RS1: variants seen among roughly 807,000 people sequenced by gnomAD.
RS1 encodes retinoschisin 1, also known as retinoschisin.
In RS1, 2 loss-of-function variants were observed where a neutral mutation model predicts 20.8. That is an observed-to-expected ratio of 0.10 (90% CI 0.04 to 0.30). The LOEUF is 0.30. Among genes scored for constraint, RS1 ranks in the 10% least tolerant of loss-of-function variants. The pLI, the probability that RS1 is intolerant of heterozygous loss-of-function variation, is 1.00. For synonymous variants in RS1, 70 were observed against 75.8 expected (o/e 0.92, Z 0.40); for missense variants, 151 against 189.8 (o/e 0.80, Z 1.20).
chrX:18,648,275 G>A (rs912108554), intron 3 of RS1, among the ~76,000 whole-genome samples: 6 of 108,791 alleles, frequency 5.5e-5, no homozygotes, highest in East Asian at 5.8e-4. Context: ...ACAGGGTCTC[G>A]CCCTGTCCTA....
At chrX:18,646,224 G>T (rs1392761917) in intron 4 of RS1, 2 of 1,003,522 alleles carry the variant, frequency 2.0e-6, no homozygotes, top group Non-Finnish European at 2.7e-6. Flanking sequence ...CACAATCTCG[G>T]CTCACTGCAA....
rs754233845 is a variant in RS1 at position 18,669,690 on chromosome X, G to C, written c.52+2327C>G. Among the ~76,000 whole-genome samples the C allele has an allele frequency of 2.9e-3, 317 of 111,007 alleles. 3 individuals carry two copies. Among genetic ancestry groups the C allele is most frequent in the African/African-American group, 9.6e-3 (293 of 30,509 alleles). On this transcript the variant is annotated intron_variant, in intron 1 of 5. Transcript: ENST00000379984. Reference sequence around the variant, plus strand: ...GTCTTCAGGTTCCCAGCTGTACAATGGGATGCATCTTTCCCATGTCTATGG... The same window carrying C: ...GTCTTCAGGTTCCCAGCTGTACAATCGGATGCATCTTTCCCATGTCTATGG...
chrX:18,663,257 G>A (rs1206546999), intron 1 of RS1, among the ~76,000 whole-genome samples: 4 of 106,525 alleles, frequency 3.8e-5, no homozygotes, highest in Admixed American at 1.0e-4. Context: ...AGGCTGGTCT[G>A]GAACTCTCGA....
chrX:18,664,888 T>A (rs1391731686), intron 1 of RS1, among the ~76,000 whole-genome samples: 1 of 110,909 alleles, frequency 9.0e-6, no homozygotes, highest in East Asian at 2.9e-4. Context: ...CTAATTGTGT[T>A]AATTTTTTTG....
chrX:18,658,780 T>TTCATCATCATCA (rs35009798), intron 1 of RS1, among the ~76,000 whole-genome samples: 5 of 103,817 alleles, frequency 4.8e-5, no homozygotes, highest in Non-Finnish European at 9.9e-5. Flanking sequence ...TTATTAAATC[T>TTCATCATCATCA]TCATCATCAT....
chrX:18,653,518 G>C (rs772980434), intron 3 of RS1: 1 of 1,210,558 alleles, frequency 8.3e-7, no homozygotes, highest in Admixed American at 2.2e-5. Flanking sequence ...GACATACCAT[G>C]AGAATGCGGC....
intron 3 of RS1, chrX:18,650,678 G>A: frequency 9.7e-7 from 1 of 1,027,662 alleles, no homozygotes; most frequent in East Asian, 3.0e-5. Context: ...AGATGTTCAG[G>A]CCACACCCCC....
intron 1 of RS1, among the ~76,000 whole-genome samples, chrX:18,661,891 G>GA (rs1408360887): frequency 9.1e-6 from 1 of 110,059 alleles, no homozygotes; most frequent in Non-Finnish European, 1.9e-5. Flanking sequence ...TTGGAGTTTT[G>GA]ATAGGCACAG....
chrX:18,660,674 C>T (rs775667090), intron 1 of RS1, among the ~76,000 whole-genome samples: 2 of 112,545 alleles, frequency 1.8e-5, no homozygotes. Flanking sequence ...AGAAACCACA[C>T]AAAGCCTTTA....
At chrX:18,648,131 G>A (rs1034128770) in intron 3 of RS1, among the ~76,000 whole-genome samples, 7 of 111,464 alleles carry the variant, frequency 6.3e-5, no homozygotes, top group Non-Finnish European at 1.3e-4. Flanking sequence ...GAACCCGGGA[G>A]GCAGAGGTTT....
chrX:18,647,027 C>A (rs1927802237), intron 4 of RS1, among the ~76,000 whole-genome samples, 164 bp downstream of exon 4: 1 of 111,196 alleles, frequency 9.0e-6, no homozygotes, highest in Non-Finnish European at 1.9e-5. Context: ...AGCAATTCTC[C>A]TGCCTCAGCC....
intron 3 of RS1, 105 bp from the exon 4 acceptor site, chrX:18,647,437 G>A (rs750545625): frequency 8.6e-5 from 75 of 872,108 alleles, no homozygotes; most frequent in African/African-American, 1.4e-4. Flanking sequence ...CTTCGGAGAC[G>A]GAGAAGGCTT....
In RS1 at chrX:18,672,032, G is replaced by A. The variant is rs767155536; in HGVS notation, c.37C>T (p.Leu13Phe). 7 of 1,208,530 alleles carry A rather than the reference G, an allele frequency of 5.8e-6. No individual in the cohort carries two copies. In the African/African-American group the frequency reaches 1.1e-4, roughly 18 times the overall value. The change falls in exon 1 of 6, where the codon CTC becomes TTC. Residue 13 changes from leucine (L) to phenylalanine (F), a missense_variant. Coordinates refer to ENST00000379984, the MANE Select transcript of RS1 (RefSeq NM_000330.4). ...TAGCACATACCTTCATAGCCAAAGAGAAGTAATAACAAAAAGCCTTCTATC... is the reference window on the plus strand; with the variant it reads ...TAGCACATACCTTCATAGCCAAAGAAAAGTAATAACAAAAAGCCTTCTATC... Reference protein sequence around the residue: ...RKIEGFLLLLLFGYEATLGLS... With the variant: ...RKIEGFLLLLFFGYEATLGLS...
chrX:18,653,372 T>C (rs1268209714), intron 3 of RS1: 1 of 1,190,507 alleles, frequency 8.4e-7, no homozygotes, highest in African/African-American at 1.8e-5. Flanking sequence ...TTAGCCAGAG[T>C]GCACCTGCTA....
chrX:18,648,970 C>A (rs937116425), intron 3 of RS1, among the ~76,000 whole-genome samples: 2 of 106,622 alleles, frequency 1.9e-5, no homozygotes, highest in Non-Finnish European at 3.9e-5. Context: ...ATTGCTTGAG[C>A]CTAGGAGTCT....
intron 3 of RS1, chrX:18,647,555 C>G: frequency 2.4e-6 from 1 of 419,187 alleles, no homozygotes; most frequent in Non-Finnish European, 4.2e-6. Context: ...AGAGACTCAA[C>G]AGCCTTTGTA....
At position 18,642,308 on chromosome X, in the gene RS1, G is replaced by A. The variant is rs528917195; in HGVS notation, c.523-152C>T. 68 of 556,444 alleles carry A rather than the reference G, an allele frequency of 1.2e-4. No individual in the cohort carries two copies. The South Asian group carries it at 1.8e-3, about 15-fold the overall frequency. The allele number at this position is 556,444 out of a possible 1,213,427, so 45.9% of individuals were successfully genotyped here. Reference sequence around the variant, plus strand: ...GGTGCCCCCCAAAATCTGACCTTGAGTGATTGTCATCACACCTACATGCTT... The same window carrying A: ...GGTGCCCCCCAAAATCTGACCTTGAATGATTGTCATCACACCTACATGCTT... On this transcript the variant is annotated intron_variant, in intron 5 of 5. Coordinates refer to ENST00000379984, the MANE Select transcript of RS1 (RefSeq NM_000330.4).
intron 3 of RS1, among the ~76,000 whole-genome samples, chrX:18,655,693 T>A (rs974821687): frequency 9.0e-6 from 1 of 111,612 alleles, no homozygotes; most frequent in East Asian, 2.8e-4. Context: ...TTCAGTGCCA[T>A]TTTCAAAGTG....
intron 3 of RS1, chrX:18,650,689 A>G: frequency 1.0e-6 from 1 of 978,797 alleles, no homozygotes; most frequent in East Asian, 3.1e-5. Context: ...CCACACCCCC[A>G]GGGATTCTGA....
Sources: allele counts gnomAD v4.1 joint callset (sites outside exome capture counted in the v4.1 genomes callset), GRCh38; gene constraint gnomAD v4.1.1; transcripts MANE v1.5; gene names NCBI Gene and HGNC (gene_info 2026-07-23, HGNC 2026-07-21).